Variants in MTIF2 observed in about 807,000 individuals in gnomAD.
The protein encoded by MTIF2 is translation initiation factor IF-2, mitochondrial.
MTIF2 carries 71 observed loss-of-function variants against 83.5 expected under a neutral mutation model. The ratio of observed to expected loss-of-function variants is 0.85; its 90% confidence interval spans 0.70 to 1.04. The LOEUF (loss-of-function observed/expected upper bound fraction) is 1.04, where lower values mean the gene tolerates loss of function less well. Ranked by LOEUF, MTIF2 falls within the 50% of genes least tolerant of loss-of-function variation. The pLI is 0.00. For synonymous variants in MTIF2, 319 were observed against 287.1 expected, an observed-to-expected ratio of 1.11 and a Z score of -1.12; for missense variants, 957 against 846.5, an observed-to-expected ratio of 1.13 and a Z score of -1.62.
At chr2:55,261,649 A>G (rs1678004334) in intron 5 of MTIF2, among the ~76,000 whole-genome samples, 1 of 151,970 alleles carries the variant, frequency 6.6e-6, no homozygotes, top group African/African-American at 2.4e-5. Flanking sequence ...GAAATCAGAA[A>G]ATTATAGGGC....
chr2:55,240,481 A>G (rs1003282558), intron 13 of MTIF2, among the ~76,000 whole-genome samples: 6 of 152,138 alleles, frequency 3.9e-5, no homozygotes, highest in Non-Finnish European at 8.8e-5. Context: ...CAGGAGGCCG[A>G]GACAGGAGAA....
intron 5 of MTIF2, among the ~76,000 whole-genome samples, chr2:55,257,449 C>G (rs1264409497): frequency 6.6e-6 from 1 of 152,070 alleles, no homozygotes; most frequent in East Asian, 1.9e-4. Flanking sequence ...CCACTGCACT[C>G]CAGCCTGGGC....
chr2:55,262,789 C>A (rs1573920385), intron 4 of MTIF2, among the ~76,000 whole-genome samples: 1 of 152,008 alleles, frequency 6.6e-6, no homozygotes, highest in African/African-American at 2.4e-5. Flanking sequence ...AGTGCAGTGG[C>A]ACAATTTCGG....
At chr2:55,246,167 T>G (rs1676683610) in intron 10 of MTIF2, among the ~76,000 whole-genome samples, 170 bp downstream of exon 10, 2 of 152,260 alleles carry the variant, frequency 1.3e-5, no homozygotes, top group African/African-American at 4.8e-5. Context: ...ATAACTGCAT[T>G]TTTGTGTTCT....
chr2:55,252,232 A>C (rs1367915776), intron 8 of MTIF2, among the ~76,000 whole-genome samples: 1 of 152,216 alleles, frequency 6.6e-6, no homozygotes, highest in Non-Finnish European at 1.5e-5. Flanking sequence ...AGTTGAAAAA[A>C]AAAGGGCATA....
chr2:55,242,451 C>T (rs1216875774), intron 13 of MTIF2, among the ~76,000 whole-genome samples: 1 of 152,190 alleles, frequency 6.6e-6, no homozygotes, highest in East Asian at 1.9e-4. Flanking sequence ...AGACAGTTCC[C>T]TGCCTTCTAG....
intron 7 of MTIF2, among the ~76,000 whole-genome samples, chr2:55,253,286 A>G (rs1045310784): frequency 3.9e-5 from 6 of 152,230 alleles, no homozygotes; most frequent in Admixed American, 3.3e-4. Flanking sequence ...ATTATCAGCA[A>G]TATTATCACA....
intron 13 of MTIF2, 141 bp downstream of exon 13, chr2:55,242,799 G>A: frequency 1.3e-6 from 1 of 772,760 alleles, no homozygotes; most frequent in South Asian, 2.1e-5. Flanking sequence ...TCAATTGCTA[G>A]CTGGGACTGG....
chr2:55,245,751 T>A (rs559770504), intron 10 of MTIF2, among the ~76,000 whole-genome samples: 18 of 150,930 alleles, frequency 1.2e-4, no homozygotes, highest in South Asian at 4.2e-4. Flanking sequence ...TACCATAATT[T>A]AAAAAAAAAA....
intron 13 of MTIF2, 143 bp from the exon 14 acceptor site, chr2:55,240,318 C>A (rs1345863373): frequency 4.1e-6 from 3 of 737,014 alleles, no homozygotes; most frequent in East Asian, 2.9e-5. Flanking sequence ...CAGTGGCTCA[C>A]GCCTGTAATC....
intron 14 of MTIF2, among the ~76,000 whole-genome samples, chr2:55,238,697 G>GT (rs1275568356): frequency 1.3e-5 from 2 of 151,634 alleles, no homozygotes; most frequent in African/African-American, 2.4e-5. Flanking sequence ...GGCCGAGTCT[G>GT]TTTTTTTTCA....
chr2:55,245,501 G>A (rs1676631364), intron 10 of MTIF2, among the ~76,000 whole-genome samples: 1 of 152,112 alleles, frequency 6.6e-6, no homozygotes, highest in South Asian at 2.1e-4. Flanking sequence ...TCCAGCCTGG[G>A]CAACAAGAGC....
intron 13 of MTIF2, among the ~76,000 whole-genome samples, chr2:55,240,396 C>T (rs1248120152): frequency 6.6e-6 from 1 of 152,178 alleles, no homozygotes; most frequent in Non-Finnish European, 1.5e-5. Context: ...GCCTGGCCAA[C>T]ATGGTGAAAC....
chr2:55,268,632 G>C lies in MTIF2; in HGVS notation c.-129C>G, dbSNP rs1031695386. The C allele has an allele frequency of 6.6e-6, 1 of 152,260 alleles. No individual in the cohort carries two copies. Among genetic ancestry groups the C allele is most frequent in the Non-Finnish European group, 1.5e-5 (1 of 68,084 alleles). 9.4% of individuals were successfully genotyped at this position (152,260 alleles called of 1,614,324 possible). On this transcript the variant is annotated 5_prime_UTR_variant, in exon 2 of 16. Coordinates refer to ENST00000263629, the MANE Select transcript of MTIF2 (RefSeq NM_002453.3). ...ACGGAAATCCAGAAGGGTCAAAAAA[G>C]CTTCTCCAATGTCATACCGCTAGTT...
At chr2:55,261,190 G>A (rs182559129) in intron 5 of MTIF2, among the ~76,000 whole-genome samples, 7 of 152,100 alleles carry the variant, frequency 4.6e-5, no homozygotes, top group East Asian at 1.9e-4. Flanking sequence ...GGGTTTCACC[G>A]TGTTAGACAG....
chr2:55,241,868 C>G (rs1420740225), intron 13 of MTIF2, among the ~76,000 whole-genome samples: 2 of 152,010 alleles, frequency 1.3e-5, no homozygotes, highest in East Asian at 3.9e-4. Flanking sequence ...ATTCAATTGG[C>G]TAGGCACAAC....
intron 3 of MTIF2, among the ~76,000 whole-genome samples, chr2:55,265,648 A>AAG (rs1678375821): frequency 6.6e-6 from 1 of 152,150 alleles, no homozygotes; most frequent in South Asian, 2.1e-4. Context: ...TTAACATTTT[A>AAG]ATATATATAT....
Position 55,237,323 on chromosome 2 carries a change from A to C in MTIF2, c.1976T>G (p.Phe659Cys), listed in dbSNP as rs201850533. Residue 659 changes from phenylalanine (F) to cysteine (C), a missense_variant, in exon 15 of 16, where the codon TTT (phenylalanine) becomes TGT (cysteine). Around this residue, in one of 3 missense-constraint regions of MTIF2, gnomAD observed 221 missense variants for 180.6 expected, o/e 1.22. Transcript: ENST00000263629. ...TACATGTCCATTACGGGTTAGTTTA[A>C]ATTTTTTTTGTTTTTCTAACTGTCC... ...QKGQLEKQKKFKLTRNGHVIW... is the reference protein window; with the variant it reads ...QKGQLEKQKKCKLTRNGHVIW... The C allele has an allele frequency of 1.3e-4, 203 of 1,612,814 alleles. 1 individual carries two copies. The East Asian group carries it at 3.9e-3, about 31-fold the overall frequency.
chr2:55,248,877 T>C (rs1342480286), intron 9 of MTIF2, among the ~76,000 whole-genome samples: 1 of 152,212 alleles, frequency 6.6e-6, no homozygotes, highest in Non-Finnish European at 1.5e-5. Context: ...GGCTCACACT[T>C]GTAATCTCGG....
Sources: gnomAD v4.1 joint callset for allele counts (sites outside exome capture counted in the v4.1 genomes callset) on GRCh38, gnomAD v4.1.1 for gene constraint, gnomAD v4.1.1 regional missense constraint, MANE v1.5 for transcripts, NCBI Gene and HGNC (gene_info 2026-07-23, HGNC 2026-07-21) for gene names.